Variants in CNTNAP5 observed in about 807,000 individuals in gnomAD.
CNTNAP5 encodes contactin associated protein family member 5, also known as contactin-associated protein-like 5.
A neutral mutation model predicts 150.2 loss-of-function variants in CNTNAP5; 72 were observed. The observed-to-expected ratio is 0.48, with a 90% confidence interval of 0.40 to 0.58. The LOEUF (loss-of-function observed/expected upper bound fraction) is 0.58. Among genes scored for constraint, CNTNAP5 ranks in the 20% least tolerant of loss-of-function variants. The pLI is 0.00. For missense variants in CNTNAP5, 1,636 were observed against 1,626.2 expected, an observed-to-expected ratio of 1.01 and a Z score of -0.10; for synonymous variants, 672 against 619.8, an observed-to-expected ratio of 1.08 and a Z score of -1.25.
At chr2:124,844,456 T>C (rs543932256) in intron 19 of CNTNAP5, among the ~76,000 whole-genome samples, 2 of 151,946 alleles carry the variant, frequency 1.3e-5, no homozygotes, top group Non-Finnish European at 2.9e-5. Flanking sequence ...GATGCCTCCA[T>C]ATTTGTTCTT....
intron 1 of CNTNAP5, among the ~76,000 whole-genome samples, chr2:124,110,281 A>C (rs1433052180): frequency 6.6e-6 from 1 of 152,132 alleles, no homozygotes; most frequent in Non-Finnish European, 1.5e-5. Flanking sequence ...TGAATGGGGA[A>C]GTATATACAA....
chr2:124,278,733 T>C (rs1202857039), intron 3 of CNTNAP5, among the ~76,000 whole-genome samples: 1 of 152,190 alleles, frequency 6.6e-6, no homozygotes, highest in African/African-American at 2.4e-5. Flanking sequence ...TGCATACATA[T>C]TGAGTTACAT....
At chr2:124,243,185 G>A (rs756963100) in intron 3 of CNTNAP5, among the ~76,000 whole-genome samples, 2 of 152,152 alleles carry the variant, frequency 1.3e-5, no homozygotes, top group Non-Finnish European at 2.9e-5. Context: ...TAAGTTGTAA[G>A]TTTATATTAT....
intron 10 of CNTNAP5, among the ~76,000 whole-genome samples, chr2:124,551,447 A>G (rs1035531079): frequency 6.6e-6 from 1 of 152,204 alleles, no homozygotes; most frequent in Non-Finnish European, 1.5e-5. Context: ...AAAAGCTTTC[A>G]GAAAAGCTAT....
At chr2:124,868,859 T>C (rs773929964) in intron 20 of CNTNAP5, among the ~76,000 whole-genome samples, 1 of 152,118 alleles carries the variant, frequency 6.6e-6, no homozygotes, top group Non-Finnish European at 1.5e-5. Context: ...TAATGAGGAC[T>C]CTTTCTGGGA....
intron 3 of CNTNAP5, among the ~76,000 whole-genome samples, chr2:124,255,472 C>T (rs1197325858): frequency 2.6e-5 from 4 of 150,972 alleles, no homozygotes; most frequent in Middle Eastern, 6.8e-3. Context: ...TGCAGTTAGC[C>T]GAGATCACGC....
At chr2:124,306,493 G>T (rs1688694374) in intron 3 of CNTNAP5, among the ~76,000 whole-genome samples, 2 of 152,080 alleles carry the variant, frequency 1.3e-5, no homozygotes, top group Non-Finnish European at 2.9e-5. Flanking sequence ...GACCTATGTT[G>T]GTTGCCCAGA....
chr2:124,909,646 T>C (rs1020332590), intron 22 of CNTNAP5, among the ~76,000 whole-genome samples: 7 of 150,960 alleles, frequency 4.6e-5, no homozygotes, highest in Non-Finnish European at 7.4e-5. Flanking sequence ...TCCCTCCCTT[T>C]CTTTCTTCTT....
At chr2:124,786,431 G>GA (rs1558775184) in intron 17 of CNTNAP5, among the ~76,000 whole-genome samples, 34 of 113,546 alleles carry the variant, frequency 3.0e-4, no homozygotes, top group African/African-American at 1.3e-3. Context: ...AGGAAGGAAG[G>GA]AAGGAAGGAA....
intron 19 of CNTNAP5, among the ~76,000 whole-genome samples, chr2:124,811,816 C>T (rs991072423): frequency 6.7e-6 from 1 of 148,578 alleles, no homozygotes; most frequent in African/African-American, 2.5e-5. Context: ...GTGTCAGGCA[C>T]CTGTAATCCC....
chr2:124,352,547 G>C (rs2104703614), intron 3 of CNTNAP5, among the ~76,000 whole-genome samples: 1 of 152,286 alleles, frequency 6.6e-6, no homozygotes, highest in African/African-American at 2.4e-5. Flanking sequence ...CCACTTTCTA[G>C]CTGTGCAATT....
In CNTNAP5 at chr2:124,346,844, G is replaced by A. The variant is rs1263532450; in HGVS notation, c.382-70599G>A. On this transcript the variant is annotated intron_variant, in intron 3 of 23. Transcript: ENST00000682447. ...CCAGCACTTTGTGAGGCTGAGGTGGGAGGATCACCTGAGGTCAAGAGTTCG... is the reference window on the plus strand; with the variant it reads ...CCAGCACTTTGTGAGGCTGAGGTGGAAGGATCACCTGAGGTCAAGAGTTCG... Among the ~76,000 whole-genome samples, 4 of 150,314 alleles carry A rather than the reference G, an allele frequency of 2.7e-5. No individual in the cohort carries two copies. The East Asian group carries it at 5.9e-4, about 22-fold the overall frequency.
intron 3 of CNTNAP5, among the ~76,000 whole-genome samples, chr2:124,393,235 C>T (rs1691165554): frequency 6.6e-6 from 1 of 152,090 alleles, no homozygotes; most frequent in Non-Finnish European, 1.5e-5. Context: ...TCTTTAATTT[C>T]CAAGTGACAA....
chr2:124,188,066 C>T lies in CNTNAP5; in HGVS notation c.83-33639C>T, dbSNP rs1426126281. Among the ~76,000 whole-genome samples the T allele has an allele frequency of 2.0e-5, 3 of 152,132 alleles. 1 individual carries two copies. Among genetic ancestry groups the T allele is most frequent in the Non-Finnish European group, 1.5e-5 (1 of 68,028 alleles). On this transcript the variant is annotated intron_variant, in intron 1 of 23. Coordinates refer to ENST00000682447, the MANE Select transcript of CNTNAP5 (RefSeq NM_001367498.1). ...TGTGCTTATTTCACTAGTTTCCTGG[C>T]ATCTGGTCTTCTGAGCAGAACTGCA...
chr2:124,261,661 G>A (rs528958852), intron 3 of CNTNAP5, among the ~76,000 whole-genome samples: 11 of 152,144 alleles, frequency 7.2e-5, no homozygotes, highest in Non-Finnish European at 1.6e-4. Context: ...CTGCCGCAGT[G>A]TTTGCCTTGT....
At chr2:124,245,387 T>A (rs1686990374) in intron 3 of CNTNAP5, among the ~76,000 whole-genome samples, 1 of 152,152 alleles carries the variant, frequency 6.6e-6, no homozygotes, top group Non-Finnish European at 1.5e-5. Flanking sequence ...TTTTTAATTT[T>A]AAATTAGAAT....
At chr2:124,572,783 C>T (rs1053965486) in intron 11 of CNTNAP5, among the ~76,000 whole-genome samples, 8 of 152,190 alleles carry the variant, frequency 5.3e-5, no homozygotes, top group African/African-American at 1.9e-4. Flanking sequence ...TTCAGATTTG[C>T]ACATCTCTTG....
intron 11 of CNTNAP5, among the ~76,000 whole-genome samples, chr2:124,608,507 C>T (rs539554747): frequency 2.6e-5 from 4 of 152,232 alleles, no homozygotes; most frequent in East Asian, 3.9e-4. Flanking sequence ...TTTATTGCCT[C>T]CTCCATGGTT....
chr2:124,773,788 A>G (rs933705819), intron 17 of CNTNAP5, among the ~76,000 whole-genome samples: 20 of 151,320 alleles, frequency 1.3e-4, no homozygotes, highest in Non-Finnish European at 2.9e-5. Context: ...TGTGTGTTTC[A>G]CAGAGAAGAG....
Sources: allele counts gnomAD v4.1 joint callset (sites outside exome capture counted in the v4.1 genomes callset), GRCh38; gene constraint gnomAD v4.1.1; transcripts MANE v1.5; gene names NCBI Gene and HGNC (gene_info 2026-07-23, HGNC 2026-07-21).